NCOA2: variants seen among roughly 807,000 people sequenced by gnomAD.
NCOA2 encodes class E basic helix-loop-helix protein 75.
NCOA2 carries 21 observed loss-of-function variants against 145.1 expected under a neutral mutation model. The ratio of observed to expected loss-of-function variants is 0.14; its 90% CI spans 0.10 to 0.21. NCOA2 has a LOEUF of 0.21. NCOA2 is among the 10% of genes least tolerant of loss of function. The pLI is 1.00. For missense variants in NCOA2, 1,472 were observed against 1,837.6 expected (o/e 0.80, Z 3.64); for synonymous variants, 619 against 637.5 (o/e 0.97, Z 0.44).
chr8:70,156,936 T>C lies in NCOA2; in HGVS notation c.1429A>G (p.Met477Val). The change falls in exon 11 of 23, where the codon ATG becomes GTG. Residue 477 changes from methionine (M) to valine (V), a missense_variant. This residue lies in a region of NCOA2 where 953 missense variants were observed against 1,062.1 expected (regional missense o/e 0.90). Coordinates refer to ENST00000452400, the MANE Select transcript of NCOA2 (RefSeq NM_006540.4). ...MNSPSQSSPG[M>V]NPGQPTSMLS... ...ATGGAGGTGGGCTGTCCTGGATTCA[T>C]GCCAGGGCTGCTTTGTGAGGGGCTG... 2.5e-6 allele frequency: 4 copies of C among 1,614,046 alleles called. No individual in the cohort carries two copies. The highest frequency in any genetic ancestry group is 3.4e-6 in the Non-Finnish European group (4 of 1,179,888).
At chr8:70,225,380 C>T (rs77264950) in intron 2 of NCOA2, among the ~76,000 whole-genome samples, 2 of 151,858 alleles carry the variant, frequency 1.3e-5, no homozygotes, top group Non-Finnish European at 2.9e-5. Context: ...AAACCCGCCT[C>T]TACTAAAAAA....
Position 70,111,128 on chromosome 8 carries a change from TC to T in NCOA2, c.*2503del, listed in dbSNP as rs1806502363. 1 of 220,284 alleles carries T rather than the reference TC, an allele frequency of 4.5e-6. No homozygotes were observed. Among genetic ancestry groups the T allele is most frequent in the Admixed American group, 5.8e-5 (1 of 17,360 alleles). The allele number at this position is 220,284 out of a possible 1,614,324, so 13.6% of individuals were successfully genotyped here. A position where few individuals can be genotyped will look rare whatever the true frequency, so the allele number is the denominator to read the frequency against. On this transcript the variant is annotated 3_prime_UTR_variant, in exon 23 of 23. Coordinates refer to ENST00000452400, the MANE Select transcript of NCOA2 (RefSeq NM_006540.4). The stretch of plus-strand genomic sequence containing the variant: ...CTGATTGAAACCGTAAGAGAATTTA[TC>T]ATCTCTTTTCCTTCAAAACAGCAAT...
At chr8:70,451,884 T>C in the NCOA2 span, among the ~76,000 whole-genome samples, 15 of 152,258 alleles carry the variant, frequency 9.9e-5, no homozygotes, top group Non-Finnish European at 2.1e-4. Flanking sequence ...CAGGTTAAAG[T>C]GTCTGTAATA....
chr8:70,202,381 T>C (rs1235552905), intron 4 of NCOA2, among the ~76,000 whole-genome samples: 1 of 152,200 alleles, frequency 6.6e-6, no homozygotes, highest in African/African-American at 2.4e-5. Flanking sequence ...AAAGAGATAT[T>C]TGCATCCCCA....
At position 70,121,371 on chromosome 8, in the gene NCOA2, C is replaced by T; in HGVS notation, c.4314G>A (p.Arg1438=). ...GPEQVNDPAL[R]GGNLFPNQLP... ...GCTGGTTTGGGAACAGGTTGCCTCC[C>T]CTCAGAGCAGGATCATTAACCTAAG... Residue 1438 remains arginine, a synonymous_variant, in exon 22 of 23, where the codon AGG becomes AGA. Transcript: ENST00000452400. 1 of 1,612,050 alleles carries T rather than the reference C, an allele frequency of 6.2e-7. No individual in the cohort carries two copies. The highest frequency in any genetic ancestry group is 1.1e-5 in the South Asian group (1 of 90,450).
intron 1 of NCOA2, among the ~76,000 whole-genome samples, chr8:70,392,385 G>A (rs1813287185): frequency 6.6e-6 from 1 of 152,164 alleles, no homozygotes; most frequent in African/African-American, 2.4e-5. Flanking sequence ...CAGACAGATG[G>A]ATAGCCTTCT....
chr8:70,162,841 A>C lies in NCOA2; in HGVS notation c.846T>G (p.Ser282=), dbSNP rs1585905814. 6 of 1,612,998 alleles carry C rather than the reference A, an allele frequency of 3.7e-6. No individual in the cohort carries two copies. Among genetic ancestry groups the C allele is most frequent in the Non-Finnish European group, 4.2e-6 (5 of 1,179,616 alleles). Residue 282 remains serine, a synonymous_variant, in exon 9 of 23, where the codon TCT becomes TCG. Coordinates refer to ENST00000452400, the MANE Select transcript of NCOA2 (RefSeq NM_006540.4). ...CTGCTCTCATGGTGCTGGTATCCAGAGACGTGATCTTGCCTATTAAGTAAC... is the reference window on the plus strand; with the variant it reads ...CTGCTCTCATGGTGCTGGTATCCAGCGACGTGATCTTGCCTATTAAGTAAC... The part of the protein sequence containing the change: ...TRQDLQGKIT[S]LDTSTMRAAM...
intron 2 of NCOA2, among the ~76,000 whole-genome samples, chr8:70,257,674 T>C (rs996781459): frequency 1.3e-5 from 2 of 151,712 alleles, no homozygotes; most frequent in African/African-American, 4.8e-5. Context: ...TGCCATAGGG[T>C]CACTGGCCCT....
At chr8:70,390,302 C>G (rs1015637892) in intron 1 of NCOA2, among the ~76,000 whole-genome samples, 1 of 152,154 alleles carries the variant, frequency 6.6e-6, no homozygotes, top group Non-Finnish European at 1.5e-5. Context: ...TACTTTGAGT[C>G]AGAGGAGATA....
intron 1 of NCOA2, among the ~76,000 whole-genome samples, chr8:70,395,746 A>T (rs2131696358): frequency 6.6e-6 from 1 of 152,324 alleles, no homozygotes; most frequent in African/African-American, 2.4e-5. Flanking sequence ...CCTCATTTAG[A>T]CGGGGACTTC....
the NCOA2 span, among the ~76,000 whole-genome samples, chr8:70,455,316 G>T: frequency 6.6e-6 from 1 of 152,322 alleles, no homozygotes; most frequent in South Asian, 2.1e-4. Flanking sequence ...GCCTAGAAAT[G>T]ATTATTTTGT....
At chr8:70,201,500 T>C (rs1817888754) in intron 4 of NCOA2, among the ~76,000 whole-genome samples, 2 of 152,198 alleles carry the variant, frequency 1.3e-5, no homozygotes, top group African/African-American at 2.4e-5. Flanking sequence ...CCCGGAGTTA[T>C]TACCTTACAA....
intron 21 of NCOA2, among the ~76,000 whole-genome samples, chr8:70,123,433 G>C (rs1426327105): frequency 6.6e-6 from 1 of 152,150 alleles, no homozygotes; most frequent in Non-Finnish European, 1.5e-5. Context: ...TGGGAGGACT[G>C]CTTGAGCCGG....
chr8:70,355,043 A>G (rs891286801), intron 1 of NCOA2, among the ~76,000 whole-genome samples: 3 of 152,236 alleles, frequency 2.0e-5, no homozygotes, highest in African/African-American at 7.2e-5. Context: ...AGTAATTAGC[A>G]CACTCTGTAT....
Position 70,124,851 on chromosome 8 carries a change from G to T in NCOA2, c.3931C>A (p.Pro1311Thr). ...GTAGCCCCAGTAAAGCCTGGATCAG[G>T]TTGCTGACTTATTCCTTAAAAAAAA... ...FPPNYGISQQ[P>T]DPGFTGATTP... Residue 1311 changes from proline to threonine, a missense_variant, in exon 20 of 23, where the codon CCT (proline) becomes ACT (threonine). By Grantham distance (38) the Pro-to-Thr change is conservative. Transcript: ENST00000452400. 6.3e-7 allele frequency: 1 copy of T among 1,590,076 alleles called. No homozygotes were observed. The highest frequency in any genetic ancestry group is 8.5e-7 in the Non-Finnish European group (1 of 1,173,006).
chr8:70,321,838 GAAT>G (rs1031551616), intron 1 of NCOA2, among the ~76,000 whole-genome samples: 6 of 99,750 alleles, frequency 6.0e-5, no homozygotes, highest in Non-Finnish European at 9.2e-5. Context: ...ACAGCCAAGT[GAAT>G]AAAACTATCT....
chr8:70,445,363 G>T, the NCOA2 span, among the ~76,000 whole-genome samples: 1 of 152,146 alleles, frequency 6.6e-6, no homozygotes, highest in African/African-American at 2.4e-5. Flanking sequence ...CCTTAATAAA[G>T]AATTTCAGTT....
intron 1 of NCOA2, among the ~76,000 whole-genome samples, chr8:70,309,080 C>G (rs1237466668): frequency 1.3e-5 from 2 of 152,114 alleles, no homozygotes; most frequent in Non-Finnish European, 2.9e-5. Flanking sequence ...GTATGACTGC[C>G]TTGAGGCTGC....
intron 15 of NCOA2, among the ~76,000 whole-genome samples, chr8:70,132,416 C>T (rs540748153): frequency 5.9e-5 from 9 of 152,178 alleles, no homozygotes; most frequent in Non-Finnish European, 8.8e-5. Context: ...ACTTAAGATT[C>T]TTAGTTAGAA....
Sources: gnomAD v4.1 joint callset for allele counts (sites outside exome capture counted in the v4.1 genomes callset) on GRCh38, gnomAD v4.1.1 for gene constraint, gnomAD v4.1.1 regional missense constraint, MANE v1.5 for transcripts, NCBI Gene and HGNC (gene_info 2026-07-23, HGNC 2026-07-21) for gene names.